The following HSF2BP variants were observed in gnomAD, a reference collection of about 807,000 sequenced individuals.
The protein encoded by HSF2BP is heat shock factor 2-binding protein.
Under a neutral mutation model 35.0 loss-of-function variants are expected in HSF2BP, and 35 were observed. The ratio of observed to expected loss-of-function variants is 1.00; its 90% CI spans 0.76 to 1.32. The LOEUF (loss-of-function observed/expected upper bound fraction) is 1.32. Among genes scored for constraint, HSF2BP ranks in the 40% most tolerant of loss-of-function variants. HSF2BP has a pLI of 0.00. For synonymous variants in HSF2BP, 114 were observed against 117.4 expected (o/e 0.97, Z 0.18); for missense variants, 326 against 321.7 (o/e 1.01, Z -0.10).
At chr21:43,623,997 A>G (rs2082360636) in intron 6 of HSF2BP, among the ~76,000 whole-genome samples, 1 of 152,156 alleles carries the variant, frequency 6.6e-6, no homozygotes, top group South Asian at 2.1e-4. Context: ...GCACACCTAG[A>G]AAAAGATGGG....
the HSF2BP span, among the ~76,000 whole-genome samples, chr21:43,467,946 A>C: frequency 1.3e-5 from 1 of 75,856 alleles, no homozygotes; most frequent in African/African-American, 5.7e-5. Context: ...CACACACACC[A>C]CACACACCAC....
At chr21:43,635,585 A>G (rs2082540304) in intron 4 of HSF2BP, among the ~76,000 whole-genome samples, 1 of 152,144 alleles carries the variant, frequency 6.6e-6, no homozygotes, top group South Asian at 2.1e-4. Context: ...TGATGCTAAA[A>G]CAACCGAATA....
rs527893361 is a variant in HSF2BP, at chr21:43,636,678, G to A, written c.292-3257C>T. Among the ~76,000 whole-genome samples the A allele has an allele frequency of 1.1e-4, 17 of 152,214 alleles. No homozygotes were observed. In the East Asian group the frequency reaches 3.3e-3, roughly 29 times the overall value. On this transcript the variant is annotated intron_variant, in intron 4 of 8. Transcript: ENST00000291560. Reference sequence around the variant, plus strand: ...AGGCCGAGGCAGGCGGATCACTTGAGGTCAGGAGTTTAGGACCAGTCTGGC... The same window carrying A: ...AGGCCGAGGCAGGCGGATCACTTGAAGTCAGGAGTTTAGGACCAGTCTGGC...
chr21:43,631,993 A>ACT (rs1568927965), intron 5 of HSF2BP, among the ~76,000 whole-genome samples: 1 of 75,714 alleles, frequency 1.3e-5, no homozygotes, highest in Non-Finnish European at 2.4e-5. Flanking sequence ...CCACACACAC[A>ACT]CTCCCACACA....
intron 7 of HSF2BP, among the ~76,000 whole-genome samples, chr21:43,612,528 G>A (rs1009986645): frequency 6.6e-6 from 1 of 151,900 alleles, no homozygotes; most frequent in Non-Finnish European, 1.5e-5. Flanking sequence ...GCGGGCGCCT[G>A]TAGTCCCAGC....
the HSF2BP span, among the ~76,000 whole-genome samples, chr21:43,467,573 C>T: frequency 1.3e-5 from 2 of 149,254 alleles, no homozygotes; most frequent in African/African-American, 2.5e-5. Context: ...ACGTCCAGCC[C>T]GTCAGAAATC....
intron 8 of HSF2BP, among the ~76,000 whole-genome samples, chr21:43,577,011 C>T (rs1159811235): frequency 5.3e-5 from 8 of 152,126 alleles, no homozygotes; most frequent in Non-Finnish European, 1.2e-4. Flanking sequence ...ATTTAATTCT[C>T]GTAATTGCTC....
intron 7 of HSF2BP, among the ~76,000 whole-genome samples, chr21:43,604,371 C>A (rs73367822): frequency 2.3e-5 from 3 of 129,922 alleles, no homozygotes; most frequent in South Asian, 2.5e-4. Context: ...CCACACAGCA[C>A]GCACACCACA....
At chr21:43,598,663 C>G (rs983583791) in intron 7 of HSF2BP, among the ~76,000 whole-genome samples, 2 of 129,400 alleles carry the variant, frequency 1.5e-5, no homozygotes, top group Admixed American at 1.7e-4. Context: ...AGCCACACTG[C>G]AAGTTCTTTC....
chr21:43,645,074 G>A (rs963818767), intron 3 of HSF2BP, among the ~76,000 whole-genome samples: 1 of 152,040 alleles, frequency 6.6e-6, no homozygotes, highest in South Asian at 2.1e-4. Flanking sequence ...ACTGACACTC[G>A]AAAAAACAAA....
At chr21:43,621,476 G>A (rs941458350) in intron 6 of HSF2BP, among the ~76,000 whole-genome samples, 10 of 151,810 alleles carry the variant, frequency 6.6e-5, no homozygotes, top group Admixed American at 4.6e-4. Context: ...GCAGTGAGCC[G>A]AGACTGTGCC....
rs2081999662 is a variant in HSF2BP, at chr21:43,597,347, C to T, written c.693-5019G>A. 6.6e-6 allele frequency among the ~76,000 whole-genome samples: 1 copy of T among 152,112 alleles called. No individual in the cohort carries two copies. Among genetic ancestry groups the T allele is most frequent in the African/African-American group, 2.4e-5 (1 of 41,408 alleles). On this transcript the variant is annotated intron_variant, in intron 7 of 8. Transcript: ENST00000291560. This position sits in a 1 kb window ranked among gnomAD's most constrained non-coding sequence, Gnocchi z 4.3. ...CCTTCTGCCACCTCCAGTACACATG[C>T]TATCAAATAAACACTGAACTAGCAC...
chr21:43,596,298 T>C (rs1476239336), intron 7 of HSF2BP, among the ~76,000 whole-genome samples: 2 of 152,138 alleles, frequency 1.3e-5, no homozygotes, highest in South Asian at 2.1e-4. Flanking sequence ...AGTACATCTC[T>C]ATAAGAATAA....
chr21:43,636,381 C>T (rs2082559368), intron 4 of HSF2BP, among the ~76,000 whole-genome samples: 1 of 151,832 alleles, frequency 6.6e-6, no homozygotes, highest in Admixed American at 6.6e-5. Context: ...AAATCATGAC[C>T]TATTAAAAAA....
chr21:43,638,574 T>A (rs948365411), intron 4 of HSF2BP, among the ~76,000 whole-genome samples: 1 of 152,218 alleles, frequency 6.6e-6, no homozygotes, highest in Non-Finnish European at 1.5e-5. Flanking sequence ...TACAAATGTG[T>A]ATGCTGAAAA....
At chr21:43,621,400 G>T (rs188962669) in intron 6 of HSF2BP, among the ~76,000 whole-genome samples, 168 of 152,228 alleles carry the variant, frequency 1.1e-3, no homozygotes, top group African/African-American at 3.9e-3. Flanking sequence ...GGTGGCACAT[G>T]CCTGTGGTCT....
Position 43,592,269 on chromosome 21 carries a change from C to G in HSF2BP, c.752G>C (p.Ser251Thr), listed in dbSNP as rs1490210812. 1.2e-6 allele frequency: 2 copies of G among 1,613,776 alleles called. No homozygotes were observed. Among genetic ancestry groups the G allele is most frequent in the African/African-American group, 2.7e-5 (2 of 74,888 alleles). The part of the protein sequence containing the change: ...SINLKGLKYI[S>T]ESPGFIPLLW... ...CAAAGGGATGAATCCTGGACTCTCG[C>G]TGATGTATTTCAAGCCTTTCAAATT... Residue 251 changes from serine to threonine, a missense_variant, in exon 8 of 9, where the codon AGC becomes ACC. Ser to Thr is a moderately conservative substitution (Grantham distance 58, BLOSUM62 1). Transcript: ENST00000291560.
chr21:43,643,744 G>A (rs961420123), intron 4 of HSF2BP, among the ~76,000 whole-genome samples: 3 of 152,282 alleles, frequency 2.0e-5, no homozygotes, highest in East Asian at 1.9e-4. Context: ...AGATCAAGAG[G>A]TCTGGAGATC....
At chr21:43,655,644 C>T (rs528824426) in intron 3 of HSF2BP, among the ~76,000 whole-genome samples, 3 of 152,302 alleles carry the variant, frequency 2.0e-5, no homozygotes, top group Admixed American at 6.5e-5. Context: ...CCCAGCAATG[C>T]CTTCCATTGG....
Sources: allele counts gnomAD v4.1 joint callset (sites outside exome capture counted in the v4.1 genomes callset), GRCh38; gene constraint gnomAD v4.1.1; non-coding constraint Gnocchi (gnomAD v3.1); transcripts MANE v1.5; gene names NCBI Gene and HGNC (gene_info 2026-07-23, HGNC 2026-07-21).